RAP1GAP2: variants seen among roughly 807,000 people sequenced by gnomAD.
RAP1GAP2 encodes the protein rap1 GTPase-activating protein 2.
In RAP1GAP2, 27 loss-of-function variants were observed where a neutral mutation model predicts 95.0. The observed-to-expected ratio is 0.28, with a 90% CI of 0.21 to 0.39. RAP1GAP2 has a LOEUF of 0.39. Ranked by LOEUF, RAP1GAP2 falls within the 10% of genes least tolerant of loss-of-function variation. The pLI, the probability that RAP1GAP2 is intolerant of heterozygous loss-of-function variation, is 1.00. For synonymous variants in RAP1GAP2, 373 were observed against 380.9 expected, an observed-to-expected ratio of 0.98 and a Z score of 0.24; for missense variants, 771 against 970.0, an observed-to-expected ratio of 0.79 and a Z score of 2.72.
chr17:2,819,799 T>TC (rs2070203299), intron 2 of RAP1GAP2, among the ~76,000 whole-genome samples: 1 of 150,442 alleles, frequency 6.6e-6, no homozygotes, highest in East Asian at 2.0e-4. Flanking sequence ...TTTCTCCTTT[T>TC]TTTTTTTTTT....
rs537229904 is a variant in RAP1GAP2 at position 2,821,530 on chromosome 17, A to G, written c.80+20980A>G. The stretch of plus-strand genomic sequence containing the variant: ...AGCTGGGACCACAGCATCTGCCACC[A>G]TGCCTGGCTAATTTTTTTTTTTTTG... On this transcript the variant is annotated intron_variant, in intron 2 of 24. Transcript: ENST00000254695. Among the ~76,000 whole-genome samples, 10 of 151,566 alleles carry G rather than the reference A, an allele frequency of 6.6e-5. No individual in the cohort carries two copies. The South Asian group carries it at 2.1e-3, about 32-fold the overall frequency.
chr17:2,852,419 G>C (rs112525717), intron 2 of RAP1GAP2, among the ~76,000 whole-genome samples: 8 of 152,118 alleles, frequency 5.3e-5, no homozygotes, highest in African/African-American at 1.9e-4. Context: ...CCACCCTGGG[G>C]CTTCCTCCCC....
chr17:2,790,394 C>T (rs1450903446), intron 1 of RAP1GAP2, among the ~76,000 whole-genome samples: 3 of 152,172 alleles, frequency 2.0e-5, no homozygotes, highest in Non-Finnish European at 4.4e-5. Context: ...GCTGGGATTA[C>T]AGGCGTGAGC....
At position 2,962,508 on chromosome 17, in the gene RAP1GAP2, G is replaced by GT. The variant is rs1292634630; in HGVS notation, c.202-161dup. 8.7e-6 allele frequency: 6 copies of GT among 690,698 alleles called. No individual in the cohort carries two copies. The Admixed American group carries it at 2.1e-4, about 24-fold the overall frequency. The allele number at this position is 690,698 out of a possible 1,614,324, so 42.8% of individuals were successfully genotyped here. A position where few individuals can be genotyped will look rare whatever the true frequency, so the allele number is the denominator to read the frequency against. On this transcript the variant is annotated intron_variant, in intron 4 of 24. Transcript: ENST00000254695. ...CGCTGTTGCCTCACCTGAGGCTGCT[G>GT]TGAGGCCCGCCCCTGGCCAGGTGTG...
At chr17:2,835,638 T>A (rs1353566939) in intron 2 of RAP1GAP2, among the ~76,000 whole-genome samples, 1 of 152,172 alleles carries the variant, frequency 6.6e-6, no homozygotes, top group East Asian at 1.9e-4. Flanking sequence ...GGTGGGAGGA[T>A]CATTGGAGCC....
chr17:2,763,960 GGTCT>G (rs975334829), intron 1 of RAP1GAP2, among the ~76,000 whole-genome samples: 2 of 152,036 alleles, frequency 1.3e-5, no homozygotes, highest in African/African-American at 4.8e-5. Flanking sequence ...TGTGATGTGT[GGTCT>G]GTCAGCCCGG....
At chr17:2,940,745 G>A (rs1208926578) in intron 3 of RAP1GAP2, among the ~76,000 whole-genome samples, 2 of 152,176 alleles carry the variant, frequency 1.3e-5, no homozygotes, top group African/African-American at 4.8e-5. Flanking sequence ...GGGCCCACGC[G>A]GACTTGGCCA....
intron 2 of RAP1GAP2, among the ~76,000 whole-genome samples, chr17:2,899,787 A>G (rs921222381): frequency 6.6e-6 from 1 of 152,256 alleles, no homozygotes; most frequent in Non-Finnish European, 1.5e-5. Flanking sequence ...CTGGGATTAC[A>G]GGCATGAGCC....
At chr17:2,823,584 G>A (rs1199059015) in intron 2 of RAP1GAP2, among the ~76,000 whole-genome samples, 1 of 152,124 alleles carries the variant, frequency 6.6e-6, no homozygotes, top group Non-Finnish European at 1.5e-5. Flanking sequence ...GGCTCTCTGG[G>A]CCCTCCAGAA....
intron 12 of RAP1GAP2, among the ~76,000 whole-genome samples, chr17:2,992,920 G>A (rs59993082): frequency 0.13 from 19,704 of 152,082 alleles, 1,615 homozygotes; most frequent in East Asian, 0.27. Context: ...TGTAAAAAGC[G>A]AGATAAAGGG....
At chr17:2,944,433 A>G (rs2043632912) in intron 3 of RAP1GAP2, among the ~76,000 whole-genome samples, 2 of 152,192 alleles carry the variant, frequency 1.3e-5, no homozygotes, top group Admixed American at 1.3e-4. Context: ...TCCTGTCAAA[A>G]CACAGTTGGC....
At chr17:3,011,609 GT>G (rs555219792) in intron 17 of RAP1GAP2, among the ~76,000 whole-genome samples, 356 of 109,664 alleles carry the variant, frequency 3.2e-3, no homozygotes, top group African/African-American at 5.0e-3. Flanking sequence ...TCCTGTCAAA[GT>G]TTTTTTTTTT....
At chr17:2,900,455 T>A (rs2041990298) in intron 2 of RAP1GAP2, among the ~76,000 whole-genome samples, 1 of 152,156 alleles carries the variant, frequency 6.6e-6, no homozygotes, top group South Asian at 2.1e-4. Flanking sequence ...TAATTCATTT[T>A]TTTGAGACGG....
intron 2 of RAP1GAP2, among the ~76,000 whole-genome samples, chr17:2,822,982 G>A (rs1043682578): frequency 2.0e-5 from 3 of 152,228 alleles, no homozygotes; most frequent in Non-Finnish European, 4.4e-5. Context: ...GTGTGGTGGT[G>A]CGCATCTGTA....
chr17:3,007,955 A>G (rs1265903620), intron 16 of RAP1GAP2, 56 bp from the exon 17 acceptor site: 5 of 1,586,926 alleles, frequency 3.2e-6, no homozygotes, highest in Non-Finnish European at 4.3e-6. Flanking sequence ...CACAAGGAGC[A>G]GGCACATCTC....
chr17:3,034,635 G>C lies in RAP1GAP2; in HGVS notation c.*1274G>C, dbSNP rs1159655334. On this transcript the variant is annotated 3_prime_UTR_variant, in exon 25 of 25. Transcript: ENST00000254695. The surrounding 1 kb of genome is among the most constrained non-coding windows in gnomAD (Gnocchi z 5.1). ...ACATCTGAAGGGTTTCTGCAACCTG[G>C]ACCCCATCTGGGTGTGGGTCAGACC... 1 of 153,038 alleles carries C rather than the reference G, an allele frequency of 6.5e-6. No homozygotes were observed. The highest frequency in any genetic ancestry group is 2.4e-5 in the African/African-American group (1 of 41,460). 9.5% of individuals were successfully genotyped at this position (153,038 alleles called of 1,614,324 possible).
intron 18 of RAP1GAP2, among the ~76,000 whole-genome samples, chr17:3,018,725 G>T (rs988399611): frequency 1.3e-5 from 2 of 152,144 alleles, no homozygotes; most frequent in South Asian, 4.1e-4. Context: ...AAGGAGGCCC[G>T]CTGGGGCTCA....
intron 3 of RAP1GAP2, among the ~76,000 whole-genome samples, chr17:2,923,931 A>C (rs1258505564): frequency 6.6e-6 from 1 of 152,230 alleles, no homozygotes; most frequent in Non-Finnish European, 1.5e-5. Context: ...AAAGAGCTAA[A>C]TTCAATTTTC....
At chr17:2,823,031 G>A (rs62089697) in intron 2 of RAP1GAP2, among the ~76,000 whole-genome samples, 28,113 of 152,132 alleles carry the variant, frequency 0.18, 2,954 homozygotes, top group South Asian at 0.34. Flanking sequence ...CTTGGGGTGA[G>A]GCACAGCCCT....
Sources: gnomAD v4.1 joint callset for allele counts (sites outside exome capture counted in the v4.1 genomes callset) on GRCh38, gnomAD v4.1.1 for gene constraint, Gnocchi (gnomAD v3.1) non-coding constraint, MANE v1.5 for transcripts, NCBI Gene and HGNC (gene_info 2026-07-23, HGNC 2026-07-21) for gene names.